Variants in PDPK1 observed in about 807,000 individuals in gnomAD.
The protein encoded by PDPK1 is 3-phosphoinositide-dependent protein kinase 1.
Under a neutral mutation model 39.8 loss-of-function variants are expected in PDPK1, and 7 were observed. The observed-to-expected ratio is 0.18, with a 90% CI of 0.10 to 0.33. The LOEUF is 0.33. Among genes scored for constraint, PDPK1 ranks in the 10% least tolerant of loss-of-function variants. PDPK1 has a pLI of 1.00. For synonymous variants in PDPK1, 118 were observed against 159.1 expected, an observed-to-expected ratio of 0.74 and a Z score of 1.95; for missense variants, 182 against 384.7, an observed-to-expected ratio of 0.47 and a Z score of 4.41.
chr16:2,539,495 C>G (rs1468871758), intron 1 of PDPK1: 3 of 152,038 alleles, frequency 2.0e-5, no homozygotes, highest in African/African-American at 7.3e-5. Context: ...GAGAAAAAGG[C>G]AGAGTGACGC....
In PDPK1 at chr16:2,597,912, G is replaced by A; in HGVS notation, c.*145G>A. ...AACCTTGCAGCATTTTTATTTAAAA[G>A]AAAAGAAGAAAAAAAACACCCAACC... On this transcript the variant is annotated 3_prime_UTR_variant, in exon 14 of 14. Transcript: ENST00000342085. The surrounding 1 kb of genome is among the most constrained non-coding windows in gnomAD (Gnocchi z 6.3). 1 of 586,220 alleles carries A rather than the reference G, an allele frequency of 1.7e-6. No individual in the cohort carries two copies. The highest frequency in any genetic ancestry group is 3.0e-6 in the Non-Finnish European group (1 of 330,732). 36.3% of individuals were successfully genotyped at this position (586,220 alleles called of 1,614,324 possible). A position where few individuals can be genotyped will look rare whatever the true frequency, so the allele number is the denominator to read the frequency against.
rs145935332 is a variant in PDPK1, at chr16:2,592,734, C to T, written c.1344-3059C>T. 1,302 of 453,348 alleles carry T rather than the reference C, an allele frequency of 2.9e-3. 7 individuals carry two copies. The highest frequency in any genetic ancestry group is 0.02 in the African/African-American group (986 of 50,052). The allele number at this position is 453,348 out of a possible 1,614,324, so 28.1% of individuals were successfully genotyped here. A position where few individuals can be genotyped will look rare whatever the true frequency, so the allele number is the denominator to read the frequency against. On this transcript the variant is annotated intron_variant, in intron 11 of 13. Coordinates refer to ENST00000342085, the MANE Select transcript of PDPK1 (RefSeq NM_002613.5). ...GCTCACAGCAAGGAGCTGTTTCTGT[C>T]GTGAGCTGGCAGGTGAATCCGCTGC...
intron 10 of PDPK1, among the ~76,000 whole-genome samples, chr16:2,585,997 ACT>A (rs1347364314): frequency 6.6e-6 from 1 of 151,530 alleles, no homozygotes; most frequent in Non-Finnish European, 1.5e-5. Flanking sequence ...TTGCCCAGGG[ACT>A]CTCTGGCCTT....
At position 2,599,868 on chromosome 16, in the gene PDPK1, T is replaced by C. The variant is rs1311472592; in HGVS notation, c.*2101T>C. 2.1e-5 allele frequency: 5 copies of C among 233,662 alleles called. No homozygotes were observed. The highest frequency in any genetic ancestry group is 4.2e-5 in the Non-Finnish European group (5 of 118,436). The allele number at this position is 233,662 out of a possible 1,614,324, so 14.5% of individuals were successfully genotyped here. A position where few individuals can be genotyped will look rare whatever the true frequency, so the allele number is the denominator to read the frequency against. ...TCGGCTGGGCTGCTTGGGGAGACTC[T>C]TCCGTGCGTTCTTCCTCTGGATAGA... On this transcript the variant is annotated 3_prime_UTR_variant, in exon 14 of 14. Coordinates refer to ENST00000342085, the MANE Select transcript of PDPK1 (RefSeq NM_002613.5).
chr16:2,586,225 C>G (rs2066871887), intron 10 of PDPK1, among the ~76,000 whole-genome samples: 1 of 152,244 alleles, frequency 6.6e-6, no homozygotes, highest in Non-Finnish European at 1.5e-5. Context: ...ACCACAGACT[C>G]AGACTCCTAA....
intron 1 of PDPK1, among the ~76,000 whole-genome samples, chr16:2,545,577 C>G (rs2066327493): frequency 6.6e-6 from 1 of 152,106 alleles, no homozygotes; most frequent in East Asian, 1.9e-4. Context: ...TCACTGTAAC[C>G]TCCGCCTCCT....
At chr16:2,558,003 T>A (rs1165514543) in intron 2 of PDPK1, 40 bp downstream of exon 2, 1 of 1,603,250 alleles carries the variant, frequency 6.2e-7, no homozygotes, top group East Asian at 2.2e-5. Flanking sequence ...CGTACGTGAT[T>A]TCCTTGGGGA....
At chr16:2,547,156 G>T (rs2066364706) in intron 1 of PDPK1, among the ~76,000 whole-genome samples, 1 of 150,062 alleles carries the variant, frequency 6.7e-6, no homozygotes, top group Non-Finnish European at 1.5e-5. Context: ...ACCCTGGGGA[G>T]GCAGGTTAGT....
rs541305543 is a variant in PDPK1 at position 2,587,228 on chromosome 16, C to T, written c.1343+335C>T. Among the ~76,000 whole-genome samples the T allele has an allele frequency of 7.6e-4, 116 of 152,344 alleles. 1 individual carries two copies. Among genetic ancestry groups the T allele is most frequent in the Non-Finnish European group, 5.0e-4 (34 of 68,030 alleles). On this transcript the variant is annotated intron_variant, in intron 11 of 13. Transcript: ENST00000342085. ...TTGCTGTTGTAGCCCCTCTTTTCCA[C>T]ATAGCTTTCCCCACTTGTCCATTTA... is the stretch of plus-strand genomic sequence containing the variant.
intron 1 of PDPK1, among the ~76,000 whole-genome samples, chr16:2,540,414 G>A (rs1273678878): frequency 4.6e-5 from 7 of 152,174 alleles, no homozygotes; most frequent in Non-Finnish European, 1.0e-4. Context: ...CATTTTACGG[G>A]TGCAGAAGCT....
At chr16:2,592,683 A>AT in intron 11 of PDPK1, 1 of 423,592 alleles carries the variant, frequency 2.4e-6, no homozygotes, top group South Asian at 1.7e-5. Context: ...TTAAAAAAAA[A>AT]AAAAATCAAG....
chr16:2,589,530 A>G (rs933683396), intron 11 of PDPK1, among the ~76,000 whole-genome samples: 3 of 152,042 alleles, frequency 2.0e-5, no homozygotes, highest in African/African-American at 7.2e-5. Context: ...TCTACAAAAA[A>G]TACAAAAATC....
intron 1 of PDPK1, among the ~76,000 whole-genome samples, chr16:2,544,862 G>A (rs1208889109): frequency 6.6e-6 from 1 of 151,940 alleles, no homozygotes; most frequent in Admixed American, 6.6e-5. Context: ...GGGATTTACA[G>A]GCATGAGCCA....
chr16:2,545,876 A>C (rs1489624982), intron 1 of PDPK1, among the ~76,000 whole-genome samples: 1 of 152,032 alleles, frequency 6.6e-6, no homozygotes, highest in East Asian at 1.9e-4. Flanking sequence ...GGTTAAAGTG[A>C]TCCTACCACC....
intron 1 of PDPK1, chr16:2,539,078 CTTTTTTTT>C: frequency 1.4e-5 from 2 of 145,964 alleles, no homozygotes; most frequent in Non-Finnish European, 2.7e-5. Context: ...CAGGATGCGG[CTTTTTTTT>C]TTTTTTTTTT....
intron 11 of PDPK1, chr16:2,592,856 G>T (rs1346917204): frequency 2.2e-6 from 1 of 456,538 alleles, no homozygotes; most frequent in Non-Finnish European, 4.4e-6. Context: ...CCATTTCATT[G>T]TCTCTCTCAG....
intron 11 of PDPK1, among the ~76,000 whole-genome samples, chr16:2,590,249 T>A (rs1379744283): frequency 6.6e-6 from 1 of 152,098 alleles, no homozygotes; most frequent in African/African-American, 2.4e-5. Flanking sequence ...GCCTCCCAAG[T>A]AGCTGGGATT....
intron 6 of PDPK1, chr16:2,576,640 G>A (rs2066715343): frequency 6.8e-6 from 1 of 147,080 alleles, no homozygotes; most frequent in Admixed American, 6.7e-5. Flanking sequence ...GCTAATTCTT[G>A]AAATTCTTTC....
At chr16:2,542,125 TC>T (rs199789891) in intron 1 of PDPK1, among the ~76,000 whole-genome samples, 3 of 152,276 alleles carry the variant, frequency 2.0e-5, no homozygotes, top group East Asian at 1.9e-4. Flanking sequence ...GGGCTACACA[TC>T]CCTTATAAGA....
Sources: gnomAD v4.1 joint callset for allele counts (sites outside exome capture counted in the v4.1 genomes callset) on GRCh38, gnomAD v4.1.1 for gene constraint, Gnocchi (gnomAD v3.1) non-coding constraint, MANE v1.5 for transcripts, NCBI Gene and HGNC (gene_info 2026-07-23, HGNC 2026-07-21) for gene names.